Variants in ARHGAP26 observed in about 807,000 individuals in gnomAD.
ARHGAP26 encodes Rho GTPase activating protein 26.
In ARHGAP26, 38 loss-of-function variants were observed where a neutral mutation model predicts 104.8. The ratio of observed to expected loss-of-function variants is 0.36; its 90% CI spans 0.28 to 0.48. The LOEUF (loss-of-function observed/expected upper bound fraction) is 0.48. Ranked by LOEUF, ARHGAP26 falls within the 20% of genes least tolerant of loss-of-function variation. The pLI is 0.99. For synonymous variants in ARHGAP26, 341 were observed against 340.0 expected (o/e 1.00, Z -0.03); for missense variants, 704 against 947.9 (o/e 0.74, Z 3.38).
intron 20 of ARHGAP26, among the ~76,000 whole-genome samples, chr5:143,197,541 C>G (rs376639411): frequency 6.6e-6 from 1 of 152,192 alleles, no homozygotes; most frequent in Non-Finnish European, 1.5e-5. Context: ...ATTCAGGTTT[C>G]TTGCCCATTT....
intron 1 of ARHGAP26, among the ~76,000 whole-genome samples, chr5:142,847,450 C>T (rs1597887311): frequency 6.6e-6 from 1 of 152,092 alleles, no homozygotes; most frequent in South Asian, 2.1e-4. Flanking sequence ...CTCTGCCTCC[C>T]GGGTTCAAGC....
intron 20 of ARHGAP26, among the ~76,000 whole-genome samples, chr5:143,161,488 T>C (rs562023032): frequency 2.6e-5 from 4 of 152,334 alleles, no homozygotes; most frequent in Admixed American, 2.0e-4. Context: ...TCTGTCATTC[T>C]CCATCTGCTA....
At chr5:143,116,576 T>C (rs1795473757) in intron 17 of ARHGAP26, among the ~76,000 whole-genome samples, 1 of 152,238 alleles carries the variant, frequency 6.6e-6, no homozygotes, top group South Asian at 2.1e-4. Flanking sequence ...GTGATCCCTA[T>C]GACAGCCTGG....
Position 143,002,366 on chromosome 5 carries a change from C to A in ARHGAP26, c.1108-11714C>A, listed in dbSNP as rs183280712. ...TGCTAACAGAGCTGTATAACTATTT[C>A]CAAAAACACTGGGTTGGGGGTTGGG... is the stretch of plus-strand genomic sequence containing the variant. On this transcript the variant is annotated intron_variant, in intron 11 of 22. Coordinates refer to ENST00000645722, the MANE Select transcript of ARHGAP26 (RefSeq NM_001135608.3). 7.7e-5 allele frequency among the ~76,000 whole-genome samples: 11 copies of A among 143,522 alleles called. No homozygotes were observed. In the East Asian group the frequency reaches 2.6e-3, roughly 33 times the overall value. The allele number at this position is 143,522 out of a possible 152,430, so 94.2% of individuals were successfully genotyped here. A position where few individuals can be genotyped will look rare whatever the true frequency, so the allele number is the denominator to read the frequency against.
chr5:142,940,616 C>T (rs771815847), intron 11 of ARHGAP26, among the ~76,000 whole-genome samples: 2 of 152,164 alleles, frequency 1.3e-5, no homozygotes, highest in Admixed American at 1.3e-4. Flanking sequence ...TGCATTCCCC[C>T]AAGGGGCATG....
chr5:143,204,399 C>T (rs992511609), intron 20 of ARHGAP26, among the ~76,000 whole-genome samples: 7 of 152,126 alleles, frequency 4.6e-5, no homozygotes, highest in African/African-American at 1.7e-4. Flanking sequence ...TGGGGGGGAT[C>T]TATAATCCCA....
intron 12 of ARHGAP26, among the ~76,000 whole-genome samples, chr5:143,018,762 A>T (rs186516528): frequency 1.2e-4 from 19 of 152,300 alleles, no homozygotes; most frequent in Admixed American, 1.2e-3. Context: ...ATATCTAGTT[A>T]TATAAGTCTC....
chr5:143,091,132 C>T (rs753881225), intron 17 of ARHGAP26, among the ~76,000 whole-genome samples: 16 of 152,086 alleles, frequency 1.1e-4, no homozygotes, highest in Non-Finnish European at 2.1e-4. Flanking sequence ...TAGGGTTTTC[C>T]CCTGGGACTA....
At chr5:142,888,748 A>G (rs1359483481) in intron 5 of ARHGAP26, among the ~76,000 whole-genome samples, 2 of 152,234 alleles carry the variant, frequency 1.3e-5, no homozygotes, top group Non-Finnish European at 2.9e-5. Context: ...CCTCAAAAAC[A>G]GTAGTCATTG....
intron 13 of ARHGAP26, among the ~76,000 whole-genome samples, 170 bp downstream of exon 13, chr5:143,037,431 G>A (rs1782828850): frequency 6.6e-6 from 1 of 152,156 alleles, no homozygotes; most frequent in African/African-American, 2.4e-5. Context: ...GGTCCTAACT[G>A]ATTTTGTGTC....
intron 11 of ARHGAP26, among the ~76,000 whole-genome samples, chr5:142,937,037 G>A (rs1208599904): frequency 2.0e-5 from 3 of 152,090 alleles, no homozygotes; most frequent in Non-Finnish European, 4.4e-5. Flanking sequence ...AAAATTAAAC[G>A]CTTTTGCTTT....
rs555863606 is a variant in ARHGAP26, at chr5:143,126,723, T to C, written c.1698+5576T>C. On this transcript the variant is annotated intron_variant, in intron 18 of 22. Coordinates refer to ENST00000645722, the MANE Select transcript of ARHGAP26 (RefSeq NM_001135608.3). Reference sequence around the variant, plus strand: ...CTTACCGTGGACTCTCCTTGAATTATATGAGAACTAAAGAGTAGATTTGAT... The same window carrying C: ...CTTACCGTGGACTCTCCTTGAATTACATGAGAACTAAAGAGTAGATTTGAT... 8.7e-4 allele frequency among the ~76,000 whole-genome samples: 132 copies of C among 152,352 alleles called. 1 individual carries two copies. The highest frequency in any genetic ancestry group is 2.7e-3 in the African/African-American group (114 of 41,590).
chr5:142,859,586 A>G (rs1752962312), intron 1 of ARHGAP26: 1 of 152,258 alleles, frequency 6.6e-6, no homozygotes, highest in Non-Finnish European at 1.5e-5. Context: ...CAGAATCACT[A>G]GAATTATACA....
At chr5:143,000,513 A>G (rs1010099065) in intron 11 of ARHGAP26, among the ~76,000 whole-genome samples, 1 of 152,256 alleles carries the variant, frequency 6.6e-6, no homozygotes, top group African/African-American at 2.4e-5. Context: ...GTGCAATCCC[A>G]TTACTGGGTA....
intron 1 of ARHGAP26, among the ~76,000 whole-genome samples, chr5:142,782,272 A>G (rs1757670642): frequency 6.6e-6 from 1 of 152,180 alleles, no homozygotes; most frequent in Non-Finnish European, 1.5e-5. Context: ...GGCTGTGGGA[A>G]GCACAAGTCT....
intron 17 of ARHGAP26, among the ~76,000 whole-genome samples, chr5:143,083,664 A>C (rs1790141495): frequency 6.6e-6 from 1 of 152,014 alleles, no homozygotes; most frequent in African/African-American, 2.4e-5. Context: ...ACACCCGGCT[A>C]ATTTTTGCAT....
At chr5:142,872,338 C>A (rs553297418) in intron 1 of ARHGAP26, among the ~76,000 whole-genome samples, 2 of 152,286 alleles carry the variant, frequency 1.3e-5, no homozygotes, top group East Asian at 1.9e-4. Context: ...TACACCCCCC[C>A]ACCACCCATA....
chr5:142,851,096 A>G (rs1482009504), intron 1 of ARHGAP26, among the ~76,000 whole-genome samples: 1 of 143,442 alleles, frequency 7.0e-6, no homozygotes, highest in Non-Finnish European at 1.5e-5. Context: ...TGGAAAATAC[A>G]TTTTTTTTTT....
intron 11 of ARHGAP26, among the ~76,000 whole-genome samples, chr5:142,955,970 T>G (rs565110160): frequency 1.8e-4 from 28 of 152,304 alleles, no homozygotes; most frequent in Admixed American, 3.3e-4. Context: ...GGTATTTCTT[T>G]AGAACAATCT....
Sources: gnomAD v4.1 joint callset for allele counts (sites outside exome capture counted in the v4.1 genomes callset) on GRCh38, gnomAD v4.1.1 for gene constraint, MANE v1.5 for transcripts, NCBI Gene and HGNC (gene_info 2026-07-23, HGNC 2026-07-21) for gene names.